The following SCCPDH variants were observed in gnomAD, a reference collection of about 807,000 sequenced individuals.
SCCPDH encodes the protein saccharopine dehydrogenase (putative), also known as saccharopine dehydrogenase-like oxidoreductase.
Under a neutral mutation model 51.5 loss-of-function variants are expected in SCCPDH, and 34 were observed. The observed-to-expected ratio is 0.66, with a 90% CI of 0.50 to 0.88. The LOEUF is 0.88. Ranked by LOEUF, SCCPDH falls within the 40% of genes least tolerant of loss-of-function variation. The pLI is 0.00. For missense variants in SCCPDH, 464 were observed against 527.1 expected, an observed-to-expected ratio of 0.88 and a Z score of 1.17; for synonymous variants, 187 against 191.3, an observed-to-expected ratio of 0.98 and a Z score of 0.19.
At chr1:246,728,701 A>C (rs1668439183) in intron 2 of SCCPDH, among the ~76,000 whole-genome samples, 2 of 152,020 alleles carry the variant, frequency 1.3e-5, no homozygotes, top group African/African-American at 2.4e-5. Context: ...TTAACTATGA[A>C]AATAGAAGCT....
At chr1:246,725,576 T>C (rs939798865) in intron 1 of SCCPDH, among the ~76,000 whole-genome samples, 2 of 152,232 alleles carry the variant, frequency 1.3e-5, no homozygotes, top group Non-Finnish European at 2.9e-5. Flanking sequence ...AATGCCCTGC[T>C]CGGAGTGCTT....
At chr1:246,725,184 A>G (rs1227257628) in intron 1 of SCCPDH, among the ~76,000 whole-genome samples, 1 of 152,178 alleles carries the variant, frequency 6.6e-6, no homozygotes, top group African/African-American at 2.4e-5. Flanking sequence ...AAAAGTGTGT[A>G]TTTCTGGTTT....
chr1:246,763,861 CT>C (rs1287852685), intron 9 of SCCPDH, among the ~76,000 whole-genome samples: 1 of 152,158 alleles, frequency 6.6e-6, no homozygotes, highest in East Asian at 1.9e-4. Flanking sequence ...ATTTTTACAT[CT>C]TTAAGTGGAA....
intron 5 of SCCPDH, among the ~76,000 whole-genome samples, chr1:246,749,382 A>G (rs1668817774): frequency 6.6e-6 from 1 of 152,242 alleles, no homozygotes; most frequent in East Asian, 1.9e-4. Flanking sequence ...CATTGGGTAT[A>G]TAATGAGAGA....
rs147119245 is a variant in SCCPDH at position 246,756,203 on chromosome 1, A to T, written c.565-2023A>T. Among the ~76,000 whole-genome samples, 51 of 152,374 alleles carry T rather than the reference A, an allele frequency of 3.3e-4. No homozygotes were observed. In the Middle Eastern group the frequency reaches 0.01, roughly 30 times the overall value. On this transcript the variant is annotated intron_variant, in intron 5 of 11. Transcript: ENST00000366510. ...ATCCTGACATCACAATTTTGAGCAT[A>T]AGAAGCCAAACACTCAGTAATAAAT...
At chr1:246,731,418 T>C (rs1317251090) in intron 2 of SCCPDH, among the ~76,000 whole-genome samples, 1 of 152,230 alleles carries the variant, frequency 6.6e-6, no homozygotes, top group Non-Finnish European at 1.5e-5. Context: ...AGCCTGCCAG[T>C]ACTCATAGAT....
At position 246,724,416 on chromosome 1, in the gene SCCPDH, A is replaced by C. The variant is rs200125216; in HGVS notation, c.-7A>C. 6.4e-7 allele frequency: 1 copy of C among 1,558,476 alleles called. No individual in the cohort carries two copies. The highest frequency in any genetic ancestry group is 1.4e-5 in the African/African-American group (1 of 70,784). The stretch of plus-strand genomic sequence containing the variant: ...GCCCCGGGGCCTGGGCTCGCTGTGG[A>C]CTCGTCATGGCGACCGAGCAGAGGC... On this transcript the variant is annotated 5_prime_UTR_variant, in exon 1 of 12. Coordinates refer to ENST00000366510, the MANE Select transcript of SCCPDH (RefSeq NM_016002.3).
At chr1:246,735,594 C>T (rs147412425) in intron 2 of SCCPDH, among the ~76,000 whole-genome samples, 2,178 of 152,300 alleles carry the variant, frequency 0.014, 51 homozygotes, top group African/African-American at 0.05. Context: ...TGCAGTGGCA[C>T]GATCTTGGCT....
At chr1:246,739,960 C>T (rs1668653750) in intron 3 of SCCPDH, among the ~76,000 whole-genome samples, 1 of 152,022 alleles carries the variant, frequency 6.6e-6, no homozygotes, top group African/African-American at 2.4e-5. Context: ...GTCATACAGT[C>T]AGACGAGCAC....
intron 4 of SCCPDH, among the ~76,000 whole-genome samples, chr1:246,743,859 T>G (rs1035044867): frequency 6.6e-6 from 1 of 152,230 alleles, no homozygotes; most frequent in Non-Finnish European, 1.5e-5. Flanking sequence ...ATAGAGTTTA[T>G]GCTAGACTAC....
chr1:246,767,213 T>C lies in SCCPDH; in HGVS notation c.1203T>C (p.Pro401=). The change falls in exon 12 of 12, where the codon CCT becomes CCC. Residue 401 remains proline (P), a synonymous_variant. Transcript: ENST00000366510. ...HLPKAGGVFT[P]GAAFSKTKLI... ...TTTATAGGGGCGGGGTCTTCACACC[T>C]GGAGCAGCTTTTTCCAAAACAAAGT... 6.2e-7 allele frequency: 1 copy of C among 1,610,378 alleles called. No individual in the cohort carries two copies. The highest frequency in any genetic ancestry group is 8.5e-7 in the Non-Finnish European group (1 of 1,177,928).
chr1:246,759,087 G>A lies in SCCPDH; in HGVS notation c.749G>A (p.Gly250Glu), dbSNP rs769633853. 1.2e-6 allele frequency: 2 copies of A among 1,612,880 alleles called. No individual in the cohort carries two copies. The highest frequency in any genetic ancestry group is 2.2e-5 in the South Asian group (2 of 91,062). ...ELKGYSIPFM[G>E]SDVSVVRRTQ... is the part of the protein sequence containing the mutation. ...AAAGGTTATTCCATTCCTTTTATGG[G>A]ATCTGATGTGTCTGTTGTAAGGAGG... The change falls in exon 7 of 12, where the codon GGA becomes GAA. Residue 250 changes from glycine to glutamate, a missense_variant. Transcript: ENST00000366510.
At chr1:246,728,890 C>T (rs1156236511) in intron 2 of SCCPDH, among the ~76,000 whole-genome samples, 1 of 152,132 alleles carries the variant, frequency 6.6e-6, no homozygotes, top group Non-Finnish European at 1.5e-5. Context: ...AACCAGCCCC[C>T]AGTATTTCAA....
At chr1:246,745,591 T>C (rs368165005) in intron 5 of SCCPDH, among the ~76,000 whole-genome samples, 5 of 152,272 alleles carry the variant, frequency 3.3e-5, no homozygotes, top group African/African-American at 9.6e-5. Flanking sequence ...GGGCTGGTGC[T>C]GTGGAGATGT....
intron 5 of SCCPDH, among the ~76,000 whole-genome samples, chr1:246,750,204 C>T (rs72764632): frequency 0.052 from 7,859 of 152,172 alleles, 285 homozygotes; most frequent in Middle Eastern, 0.13. Context: ...GACAAGGACA[C>T]GGTCCTCATG....
At chr1:246,751,201 A>G (rs1287509755) in intron 5 of SCCPDH, among the ~76,000 whole-genome samples, 1 of 152,244 alleles carries the variant, frequency 6.6e-6, no homozygotes, top group Non-Finnish European at 1.5e-5. Flanking sequence ...TTAGTGTGCT[A>G]TTAATGTTAA....
intron 3 of SCCPDH, among the ~76,000 whole-genome samples, chr1:246,739,229 C>T (rs1668642824): frequency 6.6e-6 from 1 of 152,150 alleles, no homozygotes; most frequent in African/African-American, 2.4e-5. Context: ...GTGTTCAAGT[C>T]AGCATTAACC....
At chr1:246,742,016 C>A (rs1268337920) in intron 4 of SCCPDH, among the ~76,000 whole-genome samples, 1 of 152,256 alleles carries the variant, frequency 6.6e-6, no homozygotes, top group Non-Finnish European at 1.5e-5. Context: ...TTGCAGTGAG[C>A]TGAGATCGCG....
chr1:246,758,151 AATG>A, intron 5 of SCCPDH, 72 bp from the exon 6 acceptor site: 2 of 1,079,912 alleles, frequency 1.9e-6, no homozygotes, highest in Non-Finnish European at 2.6e-6. Context: ...TGTTTGTAAC[AATG>A]ATAAGTTACT....
Sources: gnomAD v4.1 joint callset for allele counts (sites outside exome capture counted in the v4.1 genomes callset) on GRCh38, gnomAD v4.1.1 for gene constraint, MANE v1.5 for transcripts, NCBI Gene and HGNC (gene_info 2026-07-23, HGNC 2026-07-21) for gene names.